The following ATAD3C variants were observed in gnomAD, a reference collection of about 807,000 sequenced individuals.
ATAD3C encodes ATPase family AAA domain containing 3C.
Under a neutral mutation model 46.3 loss-of-function variants are expected in ATAD3C, and 38 were observed. That is an observed-to-expected ratio of 0.82 (90% CI 0.63 to 1.08). The LOEUF (loss-of-function observed/expected upper bound fraction) is 1.08, where lower values mean the gene tolerates loss of function less well. Among genes scored for constraint, ATAD3C ranks in the 50% least tolerant of loss-of-function variants. The pLI is 0.00. For synonymous variants in ATAD3C, 220 were observed against 236.4 expected, an observed-to-expected ratio of 0.93 and a Z score of 0.63; for missense variants, 563 against 572.7, an observed-to-expected ratio of 0.98 and a Z score of 0.17.
chr1:1,452,154 G>A (rs772658128), intron 2 of ATAD3C, 32 bp downstream of exon 2: 4 of 1,610,434 alleles, frequency 2.5e-6, no homozygotes, highest in Non-Finnish European at 3.4e-6. Flanking sequence ...GCCGGCCGCA[G>A]ATGGAGCCCC....
rs1033687575 is a variant in ATAD3C, at chr1:1,459,786, G to A, written c.812+555G>A. ...CCCAGATGTCCCCCATAGGGTGACC[G>A]CCCCATGGCCAGTCTCCCTAGTCCC... On this transcript the variant is annotated intron_variant, in intron 9 of 11. Coordinates refer to ENST00000378785, the MANE Select transcript of ATAD3C (RefSeq NM_001039211.3). The surrounding 1 kb of genome is among the most constrained non-coding windows in gnomAD (Gnocchi z 4.9). 3.9e-5 allele frequency among the ~76,000 whole-genome samples: 6 copies of A among 152,118 alleles called. No homozygotes were observed. The highest frequency in any genetic ancestry group is 4.2e-4 in the South Asian group (2 of 4,806).
At chr1:1,456,496 T>A in intron 7 of ATAD3C, 147 bp downstream of exon 7, 1 of 654,216 alleles carries the variant, frequency 1.5e-6, no homozygotes, top group South Asian at 2.4e-5. Flanking sequence ...GGAGGGTCCC[T>A]CGGAGGGAAA....
chr1:1,467,804 T>C (rs1436635745), intron 11 of ATAD3C, among the ~76,000 whole-genome samples: 2 of 152,042 alleles, frequency 1.3e-5, no homozygotes, highest in African/African-American at 4.8e-5. Flanking sequence ...GACCTGTCCA[T>C]GGCAGAAGGG....
intron 9 of ATAD3C, 43 bp from the exon 10 acceptor site, chr1:1,460,706 CG>C: frequency 1.3e-6 from 2 of 1,550,284 alleles, no homozygotes; most frequent in Non-Finnish European, 1.7e-6. Context: ...GGGGACAGCT[CG>C]GCCGGCAGCC....
At position 1,450,450 on chromosome 1, in the gene ATAD3C, C is replaced by G. The variant is rs1638835248; in HGVS notation, c.-234C>G. 5.2e-6 allele frequency: 3 copies of G among 573,132 alleles called. No homozygotes were observed. The South Asian group carries it at 6.5e-5, about 12-fold the overall frequency. 35.5% of individuals were successfully genotyped at this position (573,132 alleles called of 1,614,324 possible). A position where few individuals can be genotyped will look rare whatever the true frequency, so the allele number is the denominator to read the frequency against. On this transcript the variant is annotated 5_prime_UTR_variant, in exon 1 of 12. Coordinates refer to ENST00000378785, the MANE Select transcript of ATAD3C (RefSeq NM_001039211.3). ...GGGATGGCCTTCCTGATGTGGCTCTCCAAGACCATCCCTGGAGGGCATAAA... is the reference window on the plus strand; with the variant it reads ...GGGATGGCCTTCCTGATGTGGCTCTGCAAGACCATCCCTGGAGGGCATAAA...
intron 10 of ATAD3C, among the ~76,000 whole-genome samples, chr1:1,461,702 C>T (rs1406351111): frequency 4.0e-5 from 6 of 148,468 alleles, no homozygotes; most frequent in Non-Finnish European, 7.6e-5. Context: ...GGGAGAGGCT[C>T]CTCATGAGAC....
Position 1,452,427 on chromosome 1 carries a change from C to A in ATAD3C, c.215C>A (p.Thr72Lys), listed in dbSNP as rs535410015. 8.7e-6 allele frequency: 14 copies of A among 1,613,764 alleles called. No individual in the cohort carries two copies. The East Asian group carries it at 2.5e-4, about 28-fold the overall frequency. Residue 72 changes from threonine (T) to lysine (K), a missense_variant, in exon 3 of 12, where the codon ACA (threonine) becomes AAA (lysine). Coordinates refer to ENST00000378785, the MANE Select transcript of ATAD3C (RefSeq NM_001039211.3). ...TTTGTGACAGACCGGGACAAAGTGA[C>A]AGCCACGGTAAACATACTCATAAAA... ...RAFVTDRDKV[T>K]ATVAGLTLLA...
chr1:1,466,412 G>T (rs539961695), intron 11 of ATAD3C, among the ~76,000 whole-genome samples: 1 of 151,394 alleles, frequency 6.6e-6, no homozygotes, highest in Admixed American at 6.6e-5. Context: ...AATTAGCTGG[G>T]TGTGGTGGCG....
Position 1,460,943 on chromosome 1 carries a change from C to T in ATAD3C, c.980+26C>T, listed in dbSNP as rs113733923. 1.0e-3 allele frequency: 1,637 copies of T among 1,583,538 alleles called. 30 individuals are homozygous for T. In the African/African-American group the frequency reaches 0.018, roughly 18 times the overall value. On this transcript the variant is annotated intron_variant, in intron 10 of 11. Transcript: ENST00000378785. ...GTAAGTGTCCCGCCCCACCAGCCCCCGTCCAGGGGCCCTCGCTCAGGGTCC... is the reference window on the plus strand; with the variant it reads ...GTAAGTGTCCCGCCCCACCAGCCCCTGTCCAGGGGCCCTCGCTCAGGGTCC...
intron 3 of ATAD3C, among the ~76,000 whole-genome samples, chr1:1,453,922 T>C (rs1638905719): frequency 1.3e-5 from 2 of 152,040 alleles, no homozygotes; most frequent in Admixed American, 1.3e-4. Flanking sequence ...ATTACAGACC[T>C]GAGCTACTGT....
intron 8 of ATAD3C, among the ~76,000 whole-genome samples, chr1:1,458,833 G>A (rs959251599): frequency 4.0e-5 from 6 of 150,688 alleles, no homozygotes; most frequent in South Asian, 2.1e-4. Context: ...AGTGATTCTC[G>A]TGCCTCAGCC....
chr1:1,464,412 C>T (rs1010932625), intron 11 of ATAD3C, among the ~76,000 whole-genome samples: 5 of 151,912 alleles, frequency 3.3e-5, no homozygotes, highest in East Asian at 1.9e-4. Flanking sequence ...GACACTCATC[C>T]TGCACTGCTC....
rs1429579009 is a variant in ATAD3C, at chr1:1,466,556, A to T, written c.1090-1828A>T. Among the ~76,000 whole-genome samples the T allele has an allele frequency of 4.6e-5, 7 of 151,174 alleles. 1 individual carries two copies. The highest frequency in any genetic ancestry group is 1.0e-4 in the Non-Finnish European group (7 of 67,834). On this transcript the variant is annotated intron_variant, in intron 11 of 11. Coordinates refer to ENST00000378785, the MANE Select transcript of ATAD3C (RefSeq NM_001039211.3). ...ATCTCAAAAAAAAAAAAAAAAAAAA[A>T]ATTGTATTTGGCCAAATGTTTTTCC...
intron 5 of ATAD3C, 54 bp from the exon 6 acceptor site, chr1:1,455,737 C>G: frequency 1.2e-6 from 2 of 1,606,876 alleles, no homozygotes; most frequent in Non-Finnish European, 1.7e-6. Flanking sequence ...CCCCTGCCCC[C>G]GAGGCTTCTG....
In ATAD3C at chr1:1,460,885, G is replaced by C. The variant is rs1157922586; in HGVS notation, c.948G>C (p.Glu316Asp). 6.2e-7 allele frequency: 1 copy of C among 1,612,170 alleles called. No individual in the cohort carries two copies. The highest frequency in any genetic ancestry group is 8.5e-7 in the Non-Finnish European group (1 of 1,179,014). The change falls in exon 10 of 12, where the codon GAG becomes GAC. Residue 316 changes from glutamate to aspartate, a missense_variant. By Grantham distance (45) the Glu-to-Asp change is conservative. Coordinates refer to ENST00000378785, the MANE Select transcript of ATAD3C (RefSeq NM_001039211.3). ...RARLVRMYLNEYVLKPATEGK... is the reference protein window; with the variant it reads ...RARLVRMYLNDYVLKPATEGK... ...GCCTGGTGAGAATGTATCTTAACGA[G>C]TATGTTCTTAAGCCGGCCACAGAAG... is the stretch of plus-strand genomic sequence containing the variant.
At chr1:1,465,756 A>G (rs1434469674) in intron 11 of ATAD3C, among the ~76,000 whole-genome samples, 2 of 151,932 alleles carry the variant, frequency 1.3e-5, no homozygotes, top group Non-Finnish European at 2.9e-5. Context: ...ATCTGAGAAC[A>G]GGTGATTTTA....
intron 2 of ATAD3C, 101 bp from the exon 3 acceptor site, chr1:1,452,264 C>T: frequency 1.9e-6 from 3 of 1,593,948 alleles, no homozygotes; most frequent in Non-Finnish European, 2.6e-6. Context: ...CCTGTCCTGG[C>T]AGGACCAGGC....
In ATAD3C at chr1:1,462,535, C is replaced by T. The variant is rs151060523; in HGVS notation, c.981-65C>T. 3,155 of 1,467,098 alleles carry T rather than the reference C, an allele frequency of 2.2e-3. 39 individuals carry two copies. The highest frequency in any genetic ancestry group is 4.1e-3 in the Middle Eastern group (24 of 5,838). 90.9% of individuals were successfully genotyped at this position (1,467,098 alleles called of 1,614,324 possible). A position where few individuals can be genotyped will look rare whatever the true frequency, so the allele number is the denominator to read the frequency against. On this transcript the variant is annotated intron_variant, in intron 10 of 11. Coordinates refer to ENST00000378785, the MANE Select transcript of ATAD3C (RefSeq NM_001039211.3). The surrounding 1 kb of genome is among the most constrained non-coding windows in gnomAD (Gnocchi z 4.5). ...GGTGTCCGCCTGGCTGCCTGTCTTCCGGCCTCCACCTCGTGGTGTGGGAGC... is the reference window on the plus strand; with the variant it reads ...GGTGTCCGCCTGGCTGCCTGTCTTCTGGCCTCCACCTCGTGGTGTGGGAGC...
rs112630825 is a variant in ATAD3C at position 1,454,506 on chromosome 1, G to A, written c.378+6G>A. 0.015 allele frequency: 23,700 copies of A among 1,605,360 alleles called. 330 individuals are homozygous for A. Among genetic ancestry groups the A allele is most frequent in the Admixed American group, 0.059 (3,494 of 59,202 alleles). On this transcript the variant is annotated splice_donor_region_variant and intron_variant, in intron 4 of 11. Coordinates refer to ENST00000378785, the MANE Select transcript of ATAD3C (RefSeq NM_001039211.3). ...CGCTGCGGCACCCCATCCAGGTAGC[G>A]GCGCAGGCCTGGCCCTCCCTGAGTG...
Sources: allele counts gnomAD v4.1 joint callset (sites outside exome capture counted in the v4.1 genomes callset), GRCh38; gene constraint gnomAD v4.1.1; non-coding constraint Gnocchi (gnomAD v3.1); transcripts MANE v1.5; gene names NCBI Gene and HGNC (gene_info 2026-07-23, HGNC 2026-07-21).